NKAIN2: variants seen among roughly 807,000 people sequenced by gnomAD.
The protein encoded by NKAIN2 is sodium/potassium transporting ATPase interacting 2.
A neutral mutation model predicts 32.6 loss-of-function variants in NKAIN2; 14 were observed. The observed-to-expected ratio is 0.43, with a 90% CI of 0.28 to 0.67. The LOEUF (loss-of-function observed/expected upper bound fraction) is 0.67, where lower values mean the gene tolerates loss of function less well. NKAIN2 is among the 30% of genes least tolerant of loss of function. NKAIN2 has a pLI of 0.17. For synonymous variants in NKAIN2, 80 were observed against 87.2 expected (o/e 0.92, Z 0.46); for missense variants, 198 against 258.3 (o/e 0.77, Z 1.60).
chr6:124,267,937 T>C (rs1251270566), intron 1 of NKAIN2, among the ~76,000 whole-genome samples: 1 of 152,226 alleles, frequency 6.6e-6, no homozygotes, highest in Non-Finnish European at 1.5e-5. Flanking sequence ...AGAGAATCCT[T>C]TTATATCTTA....
rs184271746 is a variant in NKAIN2 at position 123,829,868 on chromosome 6, C to T, written c.54+25614C>T. Among the ~76,000 whole-genome samples the T allele has an allele frequency of 1.6e-3, 242 of 152,266 alleles. 1 individual carries two copies. Among genetic ancestry groups the T allele is most frequent in the African/African-American group, 5.7e-3 (238 of 41,554 alleles). ...AGACAAACAGACCAGTAAACCCTGG[C>T]CTTCTTTCAGTGTTCTTTGTTTTGG... On this transcript the variant is annotated intron_variant, in intron 1 of 6. Coordinates refer to ENST00000368417, the MANE Select transcript of NKAIN2 (RefSeq NM_001040214.3).
chr6:124,261,227 T>G (rs537150684), intron 1 of NKAIN2, among the ~76,000 whole-genome samples: 15 of 152,328 alleles, frequency 9.8e-5, no homozygotes, highest in Non-Finnish European at 1.8e-4. Context: ...CGTCTTGTTT[T>G]ACTTTTCTTT....
intron 4 of NKAIN2, among the ~76,000 whole-genome samples, chr6:124,775,372 C>G (rs1381131974): frequency 6.6e-6 from 1 of 152,120 alleles, no homozygotes; most frequent in Non-Finnish European, 1.5e-5. Context: ...AAAGGAACTT[C>G]TGTTCGTATT....
chr6:124,247,224 T>A (rs2114796239), intron 1 of NKAIN2, among the ~76,000 whole-genome samples: 1 of 152,194 alleles, frequency 6.6e-6, no homozygotes, highest in African/African-American at 2.4e-5. Context: ...CCCACCAAAA[T>A]GTTTAGTGAT....
At chr6:124,719,710 A>C (rs1235817544) in intron 4 of NKAIN2, among the ~76,000 whole-genome samples, 2 of 137,758 alleles carry the variant, frequency 1.5e-5, no homozygotes, top group Non-Finnish European at 3.1e-5. Context: ...CTGTTCATTA[A>C]ACTGACCCTG....
intron 1 of NKAIN2, among the ~76,000 whole-genome samples, chr6:124,233,843 A>T (rs1792593888): frequency 6.6e-6 from 1 of 152,162 alleles, no homozygotes; most frequent in Non-Finnish European, 1.5e-5. Context: ...GTTATGTGTG[A>T]TCACTATACT....
chr6:124,531,828 G>A (rs1779537714), intron 3 of NKAIN2, among the ~76,000 whole-genome samples: 1 of 152,106 alleles, frequency 6.6e-6, no homozygotes, highest in South Asian at 2.1e-4. Flanking sequence ...GCGCCACCAT[G>A]CCCAGCTAAT....
intron 1 of NKAIN2, among the ~76,000 whole-genome samples, chr6:124,236,899 C>T (rs531624859): frequency 6.6e-6 from 1 of 152,096 alleles, no homozygotes; most frequent in East Asian, 1.9e-4. Flanking sequence ...TAAAAGATTC[C>T]TCTGATGTGG....
chr6:124,337,620 A>G, intron 2 of NKAIN2, among the ~76,000 whole-genome samples: 1 of 152,222 alleles, frequency 6.6e-6, no homozygotes, highest in Non-Finnish European at 1.5e-5. Context: ...TGTCCACATT[A>G]TCTAAAATTG....
intron 1 of NKAIN2, among the ~76,000 whole-genome samples, chr6:123,987,991 G>T (rs1422529344): frequency 6.6e-6 from 1 of 152,168 alleles, no homozygotes; most frequent in East Asian, 1.9e-4. Context: ...TGAGACAGGT[G>T]AATGGACTAT....
intron 1 of NKAIN2, among the ~76,000 whole-genome samples, chr6:124,132,513 C>A (rs1786530251): frequency 6.6e-6 from 1 of 152,212 alleles, no homozygotes; most frequent in Non-Finnish European, 1.5e-5. Flanking sequence ...CAGGCCATTA[C>A]AGCAACTCAT....
At position 124,396,940 on chromosome 6, in the gene NKAIN2, C is replaced by T. The variant is rs117564044; in HGVS notation, c.273+41593C>T. ...ATTAATTATCATCAGAACATTAGAA[C>T]TTTATGATTTTTGTAAGTTGTGGTG... On this transcript the variant is annotated intron_variant, in intron 3 of 6. Transcript: ENST00000368417. Among the ~76,000 whole-genome samples the T allele has an allele frequency of 6.1e-3, 922 of 152,136 alleles. 5 individuals are homozygous for T. The highest frequency in any genetic ancestry group is 0.01 in the Non-Finnish European group (680 of 67,960).
intron 4 of NKAIN2, among the ~76,000 whole-genome samples, chr6:124,690,376 C>A (rs774993060): frequency 6.6e-6 from 1 of 152,058 alleles, no homozygotes; most frequent in East Asian, 1.9e-4. Flanking sequence ...CATAGAGAAT[C>A]GTATGGTTTG....
intron 1 of NKAIN2, among the ~76,000 whole-genome samples, chr6:123,815,640 A>C (rs965612887): frequency 3.9e-5 from 6 of 151,990 alleles, no homozygotes; most frequent in African/African-American, 1.5e-4. Context: ...TTAGATGAAA[A>C]CCCCTAGTAT....
chr6:124,535,745 A>G (rs1363988634), intron 3 of NKAIN2, among the ~76,000 whole-genome samples: 2 of 152,130 alleles, frequency 1.3e-5, no homozygotes, highest in Non-Finnish European at 2.9e-5. Flanking sequence ...TGAAAGTTCA[A>G]TTTTTGCTGA....
At chr6:124,660,491 A>G (rs1784708136) in intron 4 of NKAIN2, among the ~76,000 whole-genome samples, 1 of 152,220 alleles carries the variant, frequency 6.6e-6, no homozygotes, top group South Asian at 2.1e-4. Flanking sequence ...CTGTAACAGC[A>G]AGGTGGCTAG....
intron 1 of NKAIN2, among the ~76,000 whole-genome samples, chr6:123,901,830 G>T (rs1774604093): frequency 6.6e-6 from 1 of 151,966 alleles, no homozygotes; most frequent in African/African-American, 2.4e-5. Context: ...AAATTTCAGA[G>T]AATTGAGAAA....
chr6:124,493,430 G>T (rs1777941655), intron 3 of NKAIN2, among the ~76,000 whole-genome samples: 1 of 151,922 alleles, frequency 6.6e-6, no homozygotes, highest in South Asian at 2.1e-4. Flanking sequence ...ATTGAAAATA[G>T]ATTTTATCAT....
chr6:124,092,525 A>G (rs1045240229), intron 1 of NKAIN2, among the ~76,000 whole-genome samples: 1 of 152,044 alleles, frequency 6.6e-6, no homozygotes, highest in African/African-American at 2.4e-5. Context: ...TTTGTGGGGC[A>G]CTAGATGTTA....
Sources: gnomAD v4.1 joint callset for allele counts (sites outside exome capture counted in the v4.1 genomes callset) on GRCh38, gnomAD v4.1.1 for gene constraint, MANE v1.5 for transcripts, NCBI Gene and HGNC (gene_info 2026-07-23, HGNC 2026-07-21) for gene names.